The following PRP4K variants were observed in gnomAD, a reference collection of about 807,000 sequenced individuals.
PRP4K encodes serine/threonine-protein kinase PRP4 homolog.
the PRP4K span, among the ~76,000 whole-genome samples, chr6:4,025,722 A>G: frequency 3.6e-4 from 55 of 152,320 alleles, no homozygotes; most frequent in African/African-American, 1.2e-3. Flanking sequence ...TGATTCCTCT[A>G]TGGGTAGACT....
the PRP4K span, chr6:4,056,379 C>T: frequency 6.8e-6 from 11 of 1,614,036 alleles, no homozygotes; most frequent in East Asian, 2.2e-5. Flanking sequence ...TCACATGTTG[C>T]GGATAATGAC....
the PRP4K span, among the ~76,000 whole-genome samples, chr6:4,042,326 C>G: frequency 2.0e-5 from 3 of 152,206 alleles, no homozygotes; most frequent in Admixed American, 6.5e-5. Flanking sequence ...TCCCCACATT[C>G]CAAACCAGGC....
the PRP4K span, chr6:4,021,316 C>A: frequency 5.5e-6 from 8 of 1,445,126 alleles, no homozygotes; most frequent in African/African-American, 4.2e-5. Context: ...CAGCTCTTCC[C>A]TACACGGTCG....
At chr6:4,035,284 A>ATTTTTTTTTTTTTTTTTTTTTTTTTT in the PRP4K span, among the ~76,000 whole-genome samples, 9 of 58,800 alleles carry the variant, frequency 1.5e-4, no homozygotes, top group Non-Finnish European at 1.9e-4. Context: ...CGCCCGGCTA[A>ATTTTTTTTTTTTTTTTTTTTTTTTTT]TTTTTTTTTT....
the PRP4K span, chr6:4,041,028 C>A: frequency 1.6e-6 from 2 of 1,235,124 alleles, no homozygotes; most frequent in South Asian, 1.6e-5. Flanking sequence ...TTATAAGTGG[C>A]TCCATTAATT....
the PRP4K span, among the ~76,000 whole-genome samples, chr6:4,026,694 T>C: frequency 1.3e-5 from 2 of 152,160 alleles, no homozygotes; most frequent in Non-Finnish European, 2.9e-5. Flanking sequence ...GATAGAGCAG[T>C]GAACTAAAAT....
chr6:4,058,658 A>T, the PRP4K span: 1 of 939,510 alleles, frequency 1.1e-6, no homozygotes, highest in Non-Finnish European at 1.7e-6. Flanking sequence ...GACTTATTGT[A>T]TATTAATTAA....
chr6:4,041,657 C>T, the PRP4K span, among the ~76,000 whole-genome samples: 1 of 142,456 alleles, frequency 7.0e-6, no homozygotes, highest in Non-Finnish European at 1.5e-5. Flanking sequence ...TTATTAGCCT[C>T]CCTGGGGACA....
chr6:4,052,570 A>C, the PRP4K span: 2 of 613,590 alleles, frequency 3.3e-6, no homozygotes, highest in South Asian at 4.6e-5. Flanking sequence ...TTTCAATATA[A>C]AATGATTTAT....
chr6:4,029,779 T>G, the PRP4K span, among the ~76,000 whole-genome samples: 2 of 152,152 alleles, frequency 1.3e-5, no homozygotes, highest in Admixed American at 1.3e-4. Flanking sequence ...TTCTCGAAAT[T>G]AGTTTAGGTG....
the PRP4K span, chr6:4,056,245 A>G: frequency 9.3e-7 from 1 of 1,070,532 alleles, no homozygotes; most frequent in South Asian, 1.4e-5. Context: ...AAAACTTTTC[A>G]AAGCCAATAA....
the PRP4K span, among the ~76,000 whole-genome samples, chr6:4,048,805 T>G: frequency 0.48 from 63,650 of 132,900 alleles, 16,295 homozygotes; most frequent in East Asian, 0.62. Context: ...GGGGTTTTTG[T>G]TTTTTTTTTT....
chr6:4,038,535 C>T, the PRP4K span, among the ~76,000 whole-genome samples: 2 of 151,842 alleles, frequency 1.3e-5, no homozygotes, highest in South Asian at 2.1e-4. Context: ...CCAAATGATC[C>T]GCTCGTCTTG....
the PRP4K span, among the ~76,000 whole-genome samples, chr6:4,038,919 C>CTTTTTTTTTTTTTTTTTTT: frequency 1.4e-5 from 2 of 144,290 alleles, no homozygotes; most frequent in Non-Finnish European, 3.0e-5. Context: ...AATTTTTGTG[C>CTTTTTTTTTTTTTTTTTTT]TTTTTTTTTT....
chr6:4,026,005 TTTTG>T, the PRP4K span, among the ~76,000 whole-genome samples: 11 of 152,232 alleles, frequency 7.2e-5, no homozygotes, highest in South Asian at 2.1e-3. Flanking sequence ...TTTATATGCT[TTTTG>T]TTTGTTTTTG....
At chr6:4,057,141 A>G in the PRP4K span, 1 of 1,613,594 alleles carries the variant, frequency 6.2e-7, no homozygotes. Flanking sequence ...ACCAATAACC[A>G]TATGCTGAAG....
the PRP4K span, chr6:4,053,015 T>C: frequency 2.7e-6 from 2 of 751,334 alleles, no homozygotes; most frequent in Non-Finnish European, 3.8e-6. Context: ...ACTAATACTT[T>C]TTTATCTTTC....
chr6:4,033,804 T>C, the PRP4K span, among the ~76,000 whole-genome samples: 1 of 152,188 alleles, frequency 6.6e-6, no homozygotes, highest in African/African-American at 2.4e-5. Context: ...CTTGATTCTT[T>C]ACTTCTGAGT....
chr6:4,038,281 G>T, the PRP4K span, among the ~76,000 whole-genome samples: 2 of 151,376 alleles, frequency 1.3e-5, no homozygotes, highest in Admixed American at 1.3e-4. Flanking sequence ...GTCAATGAGG[G>T]GTTTTATTTT....
Sources: allele counts gnomAD v4.1 joint callset (sites outside exome capture counted in the v4.1 genomes callset), GRCh38; gene constraint gnomAD v4.1.1; transcripts MANE v1.5; gene names NCBI Gene and HGNC (gene_info 2026-07-23, HGNC 2026-07-21).